The following SUSD1 variants were observed in gnomAD, a reference collection of about 807,000 sequenced individuals.
SUSD1 encodes the protein sushi domain-containing protein 1.
In SUSD1, 65 loss-of-function variants were observed where a neutral mutation model predicts 86.9. That is an observed-to-expected ratio of 0.75 (90% CI 0.61 to 0.92). The LOEUF (loss-of-function observed/expected upper bound fraction) is 0.92, where lower values mean the gene tolerates loss of function less well. SUSD1 is among the 40% of genes least tolerant of loss of function. The pLI is 0.00. For missense variants in SUSD1, 850 were observed against 929.7 expected (o/e 0.91, Z 1.11); for synonymous variants, 346 against 350.0 (o/e 0.99, Z 0.13).
chr9:112,130,598 AAGGAAAGGAAAGG>A (rs1831985338), intron 5 of SUSD1, among the ~76,000 whole-genome samples: 1 of 129,832 alleles, frequency 7.7e-6, no homozygotes, highest in South Asian at 2.2e-4. Context: ...GAAGGAAAGG[AAGGAAAGGAAAGG>A]AAGGAAAGGA....
chr9:112,101,379 T>G (rs1830630255), intron 9 of SUSD1, among the ~76,000 whole-genome samples: 1 of 151,332 alleles, frequency 6.6e-6, no homozygotes, highest in Admixed American at 6.6e-5. Flanking sequence ...AAAAAAAAAT[T>G]TTTTTAATGT....
Position 112,165,832 on chromosome 9 carries a change from G to GAA in SUSD1, c.104-8220_104-8219insTT, listed in dbSNP as rs1833762382. ...AGAGAGAGAAAAAGAAAGAAAGAAA[G>GAA]AGAAAGAAAGAAAGAGAAAGAGAAG... On this transcript the variant is annotated intron_variant, in intron 1 of 16. Coordinates refer to ENST00000374270, the MANE Select transcript of SUSD1 (RefSeq NM_022486.5). Among the ~76,000 whole-genome samples, 9 of 133,766 alleles carry GAA rather than the reference G, an allele frequency of 6.7e-5. No homozygotes were observed. The East Asian group carries it at 1.8e-3, about 27-fold the overall frequency. The allele number at this position is 133,766 out of a possible 152,430, so 87.8% of individuals were successfully genotyped here.
At chr9:112,081,980 T>C (rs1376290627) in intron 10 of SUSD1, among the ~76,000 whole-genome samples, 1 of 152,128 alleles carries the variant, frequency 6.6e-6, no homozygotes, top group Non-Finnish European at 1.5e-5. Flanking sequence ...TTTAATAGGG[T>C]TTATAAGAAA....
intron 1 of SUSD1, among the ~76,000 whole-genome samples, chr9:112,166,701 T>TGTC (rs938434850): frequency 3.3e-5 from 5 of 152,206 alleles, no homozygotes; most frequent in African/African-American, 1.2e-4. Context: ...GGGAGAGCTG[T>TGTC]GTCGGGGGCA....
chr9:112,107,077 C>A (rs1246474101), intron 8 of SUSD1, among the ~76,000 whole-genome samples: 2 of 151,482 alleles, frequency 1.3e-5, no homozygotes, highest in Non-Finnish European at 2.9e-5. Flanking sequence ...CCAGCCTGGG[C>A]AATATAGTGA....
intron 11 of SUSD1, among the ~76,000 whole-genome samples, chr9:112,079,184 G>A (rs1467042847): frequency 6.6e-6 from 1 of 151,984 alleles, no homozygotes; most frequent in Admixed American, 6.6e-5. Context: ...AAGGTGAAAT[G>A]CAGCAGTAAG....
At position 112,149,547 on chromosome 9, in the gene SUSD1, C is replaced by T. The variant is rs1206400696; in HGVS notation, c.218-148G>A. 5.6e-5 allele frequency: 52 copies of T among 925,226 alleles called. No individual in the cohort carries two copies. In the East Asian group the frequency reaches 6.5e-4, roughly 12 times the overall value. 57.3% of individuals were successfully genotyped at this position (925,226 alleles called of 1,614,324 possible). A position where few individuals can be genotyped will look rare whatever the true frequency, so the allele number is the denominator to read the frequency against. ...ATTTCTCCAGCCTCTTCTCCTTTCA[C>T]GATGCTCCCCAGACTACAGGACCTG... is the stretch of plus-strand genomic sequence containing the variant. On this transcript the variant is annotated intron_variant, in intron 2 of 16. Coordinates refer to ENST00000374270, the MANE Select transcript of SUSD1 (RefSeq NM_022486.5).
At chr9:112,123,273 C>G (rs1473750478) in intron 6 of SUSD1, among the ~76,000 whole-genome samples, 20 of 152,098 alleles carry the variant, frequency 1.3e-4, no homozygotes, top group Admixed American at 1.2e-3. Context: ...GAAGAGGGAG[C>G]AGGCATGTCA....
rs528035181 is a variant in SUSD1, at chr9:112,164,956, AAAAC to A, written c.104-7347_104-7344del. Among the ~76,000 whole-genome samples, 271 of 152,338 alleles carry A rather than the reference AAAAC, an allele frequency of 1.8e-3. 1 individual carries two copies. The highest frequency in any genetic ancestry group is 3.0e-3 in the Non-Finnish European group (205 of 68,026). On this transcript the variant is annotated intron_variant, in intron 1 of 16. Coordinates refer to ENST00000374270, the MANE Select transcript of SUSD1 (RefSeq NM_022486.5). ...CGAAACTCAGTCTCAAAAACAAAACAAAACAAACAAACAAACAAAAAAATACCTG... is the reference window on the plus strand; with the variant it reads ...CGAAACTCAGTCTCAAAAACAAAACAAAACAAACAAACAAAAAAATACCTG...
chr9:112,141,704 T>C (rs918347936), intron 5 of SUSD1, among the ~76,000 whole-genome samples: 2 of 146,690 alleles, frequency 1.4e-5, no homozygotes, highest in African/African-American at 5.0e-5. Context: ...ATAAAAAATA[T>C]ATAATATATT....
chr9:112,089,811 C>CAAAAAAAA (rs3983407), intron 10 of SUSD1, among the ~76,000 whole-genome samples: 1 of 115,956 alleles, frequency 8.6e-6, no homozygotes, highest in Non-Finnish European at 1.9e-5. Context: ...GATTCCATCT[C>CAAAAAAAA]AAAAAAAAAA....
intron 15 of SUSD1, among the ~76,000 whole-genome samples, chr9:112,049,162 G>T (rs1828082886): frequency 6.6e-6 from 1 of 152,202 alleles, no homozygotes; most frequent in Non-Finnish European, 1.5e-5. Flanking sequence ...TATGCTCAGG[G>T]AGTGAACACA....
intron 14 of SUSD1, among the ~76,000 whole-genome samples, chr9:112,053,618 T>C (rs1828322244): frequency 6.7e-6 from 1 of 149,238 alleles, no homozygotes; most frequent in Non-Finnish European, 1.5e-5. Context: ...ATATTAGAAA[T>C]GGAAGGTAAT....
chr9:112,080,848 G>A lies in SUSD1; in HGVS notation c.1475-683C>T, dbSNP rs74364921. Reference sequence around the variant, plus strand: ...GTCGGTTCGAAATTCTGAGCTAAGAGCAACATTTCAGCAGAGAATTGCTCC... The same window carrying A: ...GTCGGTTCGAAATTCTGAGCTAAGAACAACATTTCAGCAGAGAATTGCTCC... On this transcript the variant is annotated intron_variant, in intron 10 of 16. Coordinates refer to ENST00000374270, the MANE Select transcript of SUSD1 (RefSeq NM_022486.5). 2.2e-4 allele frequency among the ~76,000 whole-genome samples: 33 copies of A among 152,262 alleles called. No homozygotes were observed. The East Asian group carries it at 4.8e-3, about 22-fold the overall frequency.
In SUSD1 at chr9:112,080,143, A is replaced by G; in HGVS notation, c.1497T>C (p.Ile499=). The G allele has an allele frequency of 1.2e-6, 2 of 1,613,166 alleles. No individual in the cohort carries two copies. The highest frequency in any genetic ancestry group is 8.5e-7 in the Non-Finnish European group (1 of 1,179,250). The part of the protein sequence containing the change: ...PPAVKQTISN[I]SGFNETCLRW... ...TCAAGCAGGTTTCATTAAATCCTGAAATGTTACTGATGGTCTGTTTTACTG... is the reference window on the plus strand; with the variant it reads ...TCAAGCAGGTTTCATTAAATCCTGAGATGTTACTGATGGTCTGTTTTACTG... Residue 499 remains isoleucine (I), a synonymous_variant, in exon 11 of 17, where the codon ATT becomes ATC. Coordinates refer to ENST00000374270, the MANE Select transcript of SUSD1 (RefSeq NM_022486.5).
intron 2 of SUSD1, among the ~76,000 whole-genome samples, chr9:112,150,953 G>C (rs1483519986): frequency 1.3e-5 from 2 of 152,126 alleles, no homozygotes; most frequent in Admixed American, 6.5e-5. Flanking sequence ...TTTTTATATA[G>C]AGACAGGGTC....
chr9:112,069,994 T>C (rs1829188835), intron 12 of SUSD1, among the ~76,000 whole-genome samples: 1 of 152,036 alleles, frequency 6.6e-6, no homozygotes, highest in African/African-American at 2.4e-5. Context: ...TTTTATTTGT[T>C]TTTGTTTTTG....
chr9:112,149,334 G>A lies in SUSD1; in HGVS notation c.283C>T (p.Pro95Ser), dbSNP rs147721109. 25 of 1,614,138 alleles carry A rather than the reference G, an allele frequency of 1.5e-5. No individual in the cohort carries two copies. The highest frequency in any genetic ancestry group is 2.1e-5 in the Non-Finnish European group (25 of 1,180,028). Residue 95 changes from proline (P) to serine (S), a missense_variant, in exon 3 of 17, where the codon CCC (proline) becomes TCC (serine). Transcript: ENST00000374270. Reference protein sequence around the residue: ...CGNHTSCHNTPGGFYCICLEG... With the variant: ...CGNHTSCHNTSGGFYCICLEG... ...AGGCAAATGCAATAGAAGCCCCCGG[G>A]GGTGTTGTGGCAAGATGTGTGGTTC...
rs147337443 is a variant in SUSD1, at chr9:112,125,535, G to A, written c.707-1099C>T. 4.6e-3 allele frequency among the ~76,000 whole-genome samples: 619 copies of A among 134,012 alleles called. 7 individuals carry two copies. The highest frequency in any genetic ancestry group is 0.018 in the African/African-American group (575 of 32,308). 87.9% of individuals were successfully genotyped at this position (134,012 alleles called of 152,430 possible). On this transcript the variant is annotated intron_variant, in intron 5 of 16. Transcript: ENST00000374270. Reference sequence around the variant, plus strand: ...CCAATAGTCCCAGTTATACCTAAACGCAGAAAGAAAAAAAAAATCTGTTCT... The same window carrying A: ...CCAATAGTCCCAGTTATACCTAAACACAGAAAGAAAAAAAAAATCTGTTCT...
Sources: gnomAD v4.1 joint callset for allele counts (sites outside exome capture counted in the v4.1 genomes callset) on GRCh38, gnomAD v4.1.1 for gene constraint, MANE v1.5 for transcripts, NCBI Gene and HGNC (gene_info 2026-07-23, HGNC 2026-07-21) for gene names.